Variants in RAB6A observed in about 807,000 individuals in gnomAD.
RAB6A encodes RAB6A, member RAS oncogene family.
A neutral mutation model predicts 32.3 loss-of-function variants in RAB6A; 8 were observed. The ratio of observed to expected loss-of-function variants is 0.25; its 90% CI spans 0.15 to 0.45. The LOEUF (loss-of-function observed/expected upper bound fraction) is 0.45, where lower values mean the gene tolerates loss of function less well. RAB6A is among the 20% of genes least tolerant of loss of function. The pLI is 1.00. For missense variants in RAB6A, 104 were observed against 249.4 expected, an observed-to-expected ratio of 0.42 and a Z score of 3.93; for synonymous variants, 73 against 82.1, an observed-to-expected ratio of 0.89 and a Z score of 0.60.
chr11:73,750,416 G>A (rs1381842755), intron 1 of RAB6A, among the ~76,000 whole-genome samples: 1 of 149,034 alleles, frequency 6.7e-6, no homozygotes, highest in Non-Finnish European at 1.5e-5. Flanking sequence ...GTGGCATGAT[G>A]TCAGCTCACT....
chr11:73,756,886 C>T (rs1196880094), intron 1 of RAB6A, among the ~76,000 whole-genome samples: 8 of 151,332 alleles, frequency 5.3e-5, no homozygotes, highest in Admixed American at 1.3e-4. Context: ...GTTGGCCAGG[C>T]TGGTCTTGAA....
At chr11:73,751,494 T>C (rs1946668146) in intron 1 of RAB6A, among the ~76,000 whole-genome samples, 1 of 152,116 alleles carries the variant, frequency 6.6e-6, no homozygotes, top group Non-Finnish European at 1.5e-5. Flanking sequence ...AGGAATTGTC[T>C]GGGCCAAGTA....
At chr11:73,731,243 T>C (rs1946296627) in intron 1 of RAB6A, among the ~76,000 whole-genome samples, 2 of 151,968 alleles carry the variant, frequency 1.3e-5, no homozygotes, top group South Asian at 2.1e-4. Context: ...AACTACACTG[T>C]TTTAAGAGTG....
At chr11:73,730,510 A>C in intron 2 of RAB6A, 1 of 351,078 alleles carries the variant, frequency 2.8e-6, no homozygotes, top group Non-Finnish European at 5.1e-6. Context: ...AATATCCACC[A>C]TTACTTCTAA....
intron 2 of RAB6A, chr11:73,722,324 TATATATATA>T (rs1946148540): frequency 1.0e-4 from 1 of 9,536 alleles, no homozygotes; most frequent in African/African-American, 3.3e-4. Flanking sequence ...TATATATATA[TATATATATA>T]TATATATATA....
chr11:73,720,739 T>G, intron 3 of RAB6A, 107 bp downstream of exon 3: 1 of 862,438 alleles, frequency 1.2e-6, no homozygotes, highest in Non-Finnish European at 1.9e-6. Flanking sequence ...AAACTATCTT[T>G]GGTAACTTTG....
chr11:73,690,697 T>TAA (rs34099966), intron 6 of RAB6A, among the ~76,000 whole-genome samples: 11 of 117,930 alleles, frequency 9.3e-5, no homozygotes, highest in African/African-American at 2.6e-4. Flanking sequence ...TGTAACATCT[T>TAA]AAAAAAAAAA....
intron 1 of RAB6A, among the ~76,000 whole-genome samples, chr11:73,754,471 T>G (rs1171542741): frequency 6.6e-6 from 1 of 152,252 alleles, no homozygotes; most frequent in Non-Finnish European, 1.5e-5. Flanking sequence ...GCCTATATGA[T>G]GTGTAATATT....
intron 1 of RAB6A, among the ~76,000 whole-genome samples, chr11:73,735,937 A>AAAGAG (rs56012322): frequency 4.5e-4 from 56 of 123,592 alleles, no homozygotes; most frequent in African/African-American, 9.5e-4. Flanking sequence ...AAAAAAAAAA[A>AAAGAG]AGAGAGAGAG....
chr11:73,695,154 T>C lies in RAB6A; in HGVS notation c.495+12266A>G, dbSNP rs186967909. Among the ~76,000 whole-genome samples, 757 of 152,174 alleles carry C rather than the reference T, an allele frequency of 5.0e-3. 8 individuals are homozygous for C. Among genetic ancestry groups the C allele is most frequent in the African/African-American group, 0.017 (692 of 41,546 alleles). On this transcript the variant is annotated intron_variant, in intron 6 of 7. Coordinates refer to ENST00000336083, the MANE Select transcript of RAB6A (RefSeq NM_198896.2). ...AAGAATCAGTGTCACTAACCTAAAC[T>C]CAACTCAGGACATCCCAAAGTGGGC...
At chr11:73,679,004 G>A (rs1945313125) in intron 7 of RAB6A, among the ~76,000 whole-genome samples, 1 of 152,030 alleles carries the variant, frequency 6.6e-6, no homozygotes, top group Admixed American at 6.6e-5. Flanking sequence ...GGGATTACAG[G>A]CATAAGCCAC....
intron 1 of RAB6A, among the ~76,000 whole-genome samples, chr11:73,754,259 A>G (rs1946711311): frequency 6.6e-6 from 1 of 152,228 alleles, no homozygotes. Context: ...AAAACTGGCA[A>G]CATTATAACA....
intron 5 of RAB6A, among the ~76,000 whole-genome samples, chr11:73,711,276 TG>T: frequency 6.6e-6 from 1 of 152,284 alleles, no homozygotes; most frequent in South Asian, 2.1e-4. Flanking sequence ...CCAGCTGGGA[TG>T]GCAGCCCAGT....
chr11:73,693,238 C>CAA (rs1945603806), intron 6 of RAB6A, among the ~76,000 whole-genome samples: 1 of 151,656 alleles, frequency 6.6e-6, no homozygotes, highest in Non-Finnish European at 1.5e-5. Flanking sequence ...CAGTGAGCTG[C>CAA]GATCACGCCA....
intron 1 of RAB6A, among the ~76,000 whole-genome samples, chr11:73,751,782 C>T (rs754753326): frequency 1.3e-5 from 2 of 152,320 alleles, no homozygotes; most frequent in African/African-American, 4.8e-5. Flanking sequence ...TCCAAGAACA[C>T]TGACAACCAA....
At chr11:73,715,630 A>G (rs1315109910) in intron 5 of RAB6A, among the ~76,000 whole-genome samples, 1 of 152,262 alleles carries the variant, frequency 6.6e-6, no homozygotes, top group Non-Finnish European at 1.5e-5. Context: ...AAGCAGAAAG[A>G]ATATGCAGTA....
intron 1 of RAB6A, among the ~76,000 whole-genome samples, chr11:73,760,365 T>C (rs971623767): frequency 4.6e-5 from 7 of 151,822 alleles, no homozygotes; most frequent in Non-Finnish European, 8.8e-5. Flanking sequence ...GAGTCGAGGA[T>C]TGAAGAACCC....
At chr11:73,747,975 ACCCTG>A (rs1946617418) in intron 1 of RAB6A, among the ~76,000 whole-genome samples, 1 of 152,098 alleles carries the variant, frequency 6.6e-6, no homozygotes, top group Non-Finnish European at 1.5e-5. Flanking sequence ...GTGTTTCTTC[ACCCTG>A]AAGTTAATGT....
chr11:73,726,993 C>T (rs888651945), intron 2 of RAB6A, among the ~76,000 whole-genome samples: 1 of 152,024 alleles, frequency 6.6e-6, no homozygotes, highest in African/African-American at 2.4e-5. Flanking sequence ...AGCAGATTGT[C>T]TATGTGAACA....
Sources: gnomAD v4.1 joint callset for allele counts (sites outside exome capture counted in the v4.1 genomes callset) on GRCh38, gnomAD v4.1.1 for gene constraint, MANE v1.5 for transcripts, NCBI Gene and HGNC (gene_info 2026-07-23, HGNC 2026-07-21) for gene names.